The following PLD5 variants were observed in gnomAD, a reference collection of about 807,000 sequenced individuals.
The protein encoded by PLD5 is inactive phospholipase D5.
Under a neutral mutation model 61.1 loss-of-function variants are expected in PLD5, and 36 were observed. The ratio of observed to expected loss-of-function variants is 0.59; its 90% CI spans 0.45 to 0.78. The LOEUF (loss-of-function observed/expected upper bound fraction) is 0.78. Ranked by LOEUF, PLD5 falls within the 30% of genes least tolerant of loss-of-function variation. PLD5 has a pLI of 0.00. For missense variants in PLD5, 515 were observed against 644.4 expected (o/e 0.80, Z 2.17); for synonymous variants, 243 against 242.8 (o/e 1.00, Z -0.01).
intron 2 of PLD5, among the ~76,000 whole-genome samples, chr1:242,300,625 C>G (rs1451036446): frequency 3.3e-5 from 5 of 151,984 alleles, no homozygotes; most frequent in African/African-American, 1.2e-4. Context: ...GGCTATTGGA[C>G]ACGGTGTGAG....
chr1:242,379,083 G>A (rs1208758350), intron 1 of PLD5, among the ~76,000 whole-genome samples: 1 of 152,038 alleles, frequency 6.6e-6, no homozygotes, highest in African/African-American at 2.4e-5. Flanking sequence ...TGGTACTTCT[G>A]CTTCTCCTGC....
chr1:242,260,795 T>A (rs1216122493), intron 4 of PLD5, among the ~76,000 whole-genome samples: 1 of 152,196 alleles, frequency 6.6e-6, no homozygotes, highest in Non-Finnish European at 1.5e-5. Flanking sequence ...CATTTCTAAA[T>A]AGGCCACAGT....
At chr1:242,311,631 G>C (rs1175676656) in intron 2 of PLD5, among the ~76,000 whole-genome samples, 1 of 152,172 alleles carries the variant, frequency 6.6e-6, no homozygotes, top group Non-Finnish European at 1.5e-5. Context: ...TACGTGGCAG[G>C]CTACTTTACT....
chr1:242,364,791 A>T (rs2149240329), intron 1 of PLD5, among the ~76,000 whole-genome samples: 1 of 152,342 alleles, frequency 6.6e-6, no homozygotes, highest in South Asian at 2.1e-4. Context: ...ATACTTTAAA[A>T]ATGTAAAAAG....
intron 4 of PLD5, among the ~76,000 whole-genome samples, chr1:242,230,747 T>A (rs1671247659): frequency 6.6e-6 from 1 of 152,208 alleles, no homozygotes; most frequent in South Asian, 2.1e-4. Context: ...CACAATGCAT[T>A]TTTAATTTTA....
intron 4 of PLD5, among the ~76,000 whole-genome samples, chr1:242,247,830 G>A (rs565710662): frequency 6.6e-5 from 10 of 152,270 alleles, no homozygotes; most frequent in African/African-American, 2.2e-4. Context: ...TCTAAAAACC[G>A]TGCTGCAGTG....
chr1:242,363,020 G>C (rs1434951437), intron 1 of PLD5, among the ~76,000 whole-genome samples: 4 of 152,144 alleles, frequency 2.6e-5, no homozygotes, highest in Non-Finnish European at 5.9e-5. Context: ...TTTTAGAAAG[G>C]CTAGAGTTGG....
chr1:242,238,286 A>G (rs1345205511), intron 4 of PLD5, among the ~76,000 whole-genome samples: 1 of 152,206 alleles, frequency 6.6e-6, no homozygotes, highest in Non-Finnish European at 1.5e-5. Context: ...GCCAGAAGCC[A>G]TCTGAATTTA....
chr1:242,473,054 TG>T (rs1667490162), intron 1 of PLD5, among the ~76,000 whole-genome samples: 1 of 152,130 alleles, frequency 6.6e-6, no homozygotes, highest in Non-Finnish European at 1.5e-5. Context: ...TAAAGAAGAA[TG>T]TTCAAGTATG....
intron 5 of PLD5, among the ~76,000 whole-genome samples, chr1:242,170,037 G>T (rs1377935101): frequency 1.3e-5 from 2 of 152,332 alleles, no homozygotes; most frequent in East Asian, 1.9e-4. Context: ...CTGCCCAATG[G>T]CTCTGAAGAG....
chr1:242,132,190 T>TTCGGG, intron 5 of PLD5, among the ~76,000 whole-genome samples: 1 of 9,720 alleles, frequency 1.0e-4, no homozygotes, highest in African/African-American at 4.7e-4. Flanking sequence ...ATGCAGTGAT[T>TTCGGG]GCGGGGGGGG....
chr1:242,453,880 T>C (rs1666863842), intron 1 of PLD5, among the ~76,000 whole-genome samples: 1 of 152,184 alleles, frequency 6.6e-6, no homozygotes. Flanking sequence ...GTACTACCTA[T>C]GTATTTTTGC....
At chr1:242,207,858 A>T (rs867320292) in intron 5 of PLD5, among the ~76,000 whole-genome samples, 11 of 42,036 alleles carry the variant, frequency 2.6e-4, no homozygotes, top group East Asian at 1.4e-3. Flanking sequence ...ATATTTATAT[A>T]TTTATATATT....
intron 5 of PLD5, among the ~76,000 whole-genome samples, chr1:242,214,200 A>G (rs11577687): frequency 0.32 from 48,553 of 152,062 alleles, 7,854 homozygotes; most frequent in South Asian, 0.43. Flanking sequence ...TGGTTCAGGT[A>G]AATTTGGAAA....
intron 2 of PLD5, among the ~76,000 whole-genome samples, chr1:242,325,890 C>A (rs1658742933): frequency 6.6e-6 from 1 of 151,980 alleles, no homozygotes; most frequent in Non-Finnish European, 1.5e-5. Flanking sequence ...ATTTATTTTT[C>A]TTTTTATTAT....
intron 1 of PLD5, among the ~76,000 whole-genome samples, chr1:242,443,417 G>A (rs1238138433): frequency 1.3e-5 from 2 of 152,132 alleles, no homozygotes; most frequent in East Asian, 3.9e-4. Flanking sequence ...CATCAAGGAA[G>A]GTGAACTGGT....
At chr1:242,231,828 A>G (rs1235542296) in intron 4 of PLD5, among the ~76,000 whole-genome samples, 1 of 152,176 alleles carries the variant, frequency 6.6e-6, no homozygotes, top group Non-Finnish European at 1.5e-5. Flanking sequence ...CAGAGTGAAC[A>G]CAAAGAAATT....
rs754503585 is a variant in PLD5 at position 242,426,541 on chromosome 1, C to G, written c.190-78299G>C. Among the ~76,000 whole-genome samples the G allele has an allele frequency of 9.9e-5, 15 of 152,166 alleles. 1 individual carries two copies. Among genetic ancestry groups the G allele is most frequent in the Admixed American group, 6.5e-5 (1 of 15,280 alleles). ...AATGCATTGCACCACCACATTACAA[C>G]TATAATATCACTAGGCGATTAGAGT... On this transcript the variant is annotated intron_variant, in intron 1 of 9. Coordinates refer to ENST00000536534, the MANE Select transcript of PLD5 (RefSeq NM_001372062.1).
At chr1:242,214,622 A>G (rs148904588) in intron 5 of PLD5, among the ~76,000 whole-genome samples, 6 of 152,256 alleles carry the variant, frequency 3.9e-5, no homozygotes, top group Non-Finnish European at 7.4e-5. Context: ...TATCTAAACA[A>G]TTTCAACTTA....
Sources: gnomAD v4.1 joint callset for allele counts (sites outside exome capture counted in the v4.1 genomes callset) on GRCh38, gnomAD v4.1.1 for gene constraint, MANE v1.5 for transcripts, NCBI Gene and HGNC (gene_info 2026-07-23, HGNC 2026-07-21) for gene names.